BAZ1B: variants seen among roughly 807,000 people sequenced by gnomAD.
The protein encoded by BAZ1B is bromodomain adjacent to zinc finger domain 1B.
In BAZ1B, 22 loss-of-function variants were observed where a neutral mutation model predicts 153.8. The ratio of observed to expected loss-of-function variants is 0.14; its 90% CI spans 0.10 to 0.20. The LOEUF (loss-of-function observed/expected upper bound fraction) is 0.20, where lower values mean the gene tolerates loss of function less well. Ranked by LOEUF, BAZ1B falls within the 10% of genes least tolerant of loss-of-function variation. The pLI is 1.00. For missense variants in BAZ1B, 1,325 were observed against 1,799.3 expected, an observed-to-expected ratio of 0.74 and a Z score of 4.77; for synonymous variants, 676 against 633.4, an observed-to-expected ratio of 1.07 and a Z score of -1.01.
Position 73,492,860 on chromosome 7 carries a change from T to C in BAZ1B, c.633A>G (p.Lys211=), listed in dbSNP as rs782221835. 1.9e-6 allele frequency: 3 copies of C among 1,611,116 alleles called. No homozygotes were observed. Among genetic ancestry groups the C allele is most frequent in the Middle Eastern group, 1.8e-4 (1 of 5,504 alleles). Residue 211 remains lysine (K), a synonymous_variant, in exon 5 of 20, where the codon AAA becomes AAG. Coordinates refer to ENST00000339594, the MANE Select transcript of BAZ1B (RefSeq NM_032408.4). ...LPTSLKKGER[K]WAPPKFLPHK... ...GAGGCAGAAATTTTGGAGGAGCCCA[T>C]TTCCTTTCTCCTTTTTTTAATGAAG...
chr7:73,521,185 G>T (rs932705063), intron 1 of BAZ1B, among the ~76,000 whole-genome samples: 1 of 152,058 alleles, frequency 6.6e-6, no homozygotes. Context: ...GGGAAGGCAG[G>T]CATCAGCTCC....
In BAZ1B at chr7:73,477,002, C is replaced by T. The variant is rs1388866673; in HGVS notation, c.2459G>A (p.Arg820Lys). ...CTCAAACTTCACAATTTCTTTTTTC[C>T]TATCAGTTTTGCCTAACCCATTCTC... ...KVENGLGKTD[R>K]KKEIVKFEPQ... Residue 820 changes from arginine (R) to lysine (K), a missense_variant, in exon 7 of 20, where the codon AGG (arginine) becomes AAG (lysine). This residue lies in a region of BAZ1B where 431 missense variants were observed against 563.5 expected (regional missense o/e 0.76). Transcript: ENST00000339594. The surrounding 1 kb of genome is among the most constrained non-coding windows in gnomAD (Gnocchi z 5.6). 3 of 1,614,012 alleles carry T rather than the reference C, an allele frequency of 1.9e-6. No homozygotes were observed. The highest frequency in any genetic ancestry group is 2.5e-6 in the Non-Finnish European group (3 of 1,180,030).
intron 5 of BAZ1B, among the ~76,000 whole-genome samples, chr7:73,489,607 G>T (rs1465636242): frequency 6.6e-6 from 1 of 152,160 alleles, no homozygotes; most frequent in African/African-American, 2.4e-5. Context: ...TTGAGGCCAG[G>T]AGTTACAGAT....
chr7:73,445,381 C>G (rs1386463043), intron 16 of BAZ1B, among the ~76,000 whole-genome samples: 1 of 152,154 alleles, frequency 6.6e-6, no homozygotes, highest in Non-Finnish European at 1.5e-5. Flanking sequence ...CACTGGGGAA[C>G]CACATCTTTG....
intron 16 of BAZ1B, among the ~76,000 whole-genome samples, chr7:73,446,040 T>G (rs1431645769): frequency 6.6e-6 from 1 of 152,062 alleles, no homozygotes; most frequent in Non-Finnish European, 1.5e-5. Context: ...ATGTGAGAGC[T>G]TAAGGTGTCC....
chr7:73,465,262 A>G (rs1408953197), intron 11 of BAZ1B, among the ~76,000 whole-genome samples, 177 bp downstream of exon 11: 2 of 152,148 alleles, frequency 1.3e-5, no homozygotes, highest in East Asian at 1.9e-4. Flanking sequence ...CCAAAGGTAT[A>G]TTTTTCCAAT....
intron 10 of BAZ1B, among the ~76,000 whole-genome samples, chr7:73,465,796 T>C (rs1788561314): frequency 1.3e-5 from 2 of 152,164 alleles, no homozygotes; most frequent in Non-Finnish European, 2.9e-5. Context: ...TTGGCATACT[T>C]GTCCCTTTCC....
Position 73,478,353 on chromosome 7 carries a change from T to A in BAZ1B, c.1108A>T (p.Met370Leu), listed in dbSNP as rs1789072803. The change falls in exon 7 of 20, where the codon ATG becomes TTG. Residue 370 changes from methionine to leucine, a missense_variant. Coordinates refer to ENST00000339594, the MANE Select transcript of BAZ1B (RefSeq NM_032408.4). ...AGCTTATTGGGCGACATCATCTTCA[T>A]CATTTCTTCTAGATGTTCTTCAGGA... is the stretch of plus-strand genomic sequence containing the variant. Reference protein sequence around the residue: ...KSPEEHLEEMMKMMSPNKLHT... With the variant: ...KSPEEHLEEMLKMMSPNKLHT... 1 of 1,612,426 alleles carries A rather than the reference T, an allele frequency of 6.2e-7. No individual in the cohort carries two copies. The highest frequency in any genetic ancestry group is 1.3e-5 in the African/African-American group (1 of 74,752).
chr7:73,511,500 CAAAAAATAAAAAT>C lies in BAZ1B; in HGVS notation c.108-661_108-649del, dbSNP rs370491686. On this transcript the variant is annotated intron_variant, in intron 1 of 19. Transcript: ENST00000339594. ...GCAACATGATGAGACCTCATCTCTA[CAAAAAATAAAAAT>C]AAAAAATAATAAAAATGGTTTTTCG... is the stretch of plus-strand genomic sequence containing the variant. Among the ~76,000 whole-genome samples the C allele has an allele frequency of 2.8e-3, 428 of 151,004 alleles. 2 individuals carry two copies. Among genetic ancestry groups the C allele is most frequent in the African/African-American group, 0.01 (418 of 41,086 alleles).
chr7:73,521,504 C>T (rs1791040418), intron 1 of BAZ1B, among the ~76,000 whole-genome samples: 1 of 152,302 alleles, frequency 6.6e-6, no homozygotes, highest in African/African-American at 2.4e-5. Flanking sequence ...CTCTCGGGTC[C>T]TCAAGGCCTA....
chr7:73,500,655 C>G (rs1790089431), intron 3 of BAZ1B, among the ~76,000 whole-genome samples: 1 of 152,012 alleles, frequency 6.6e-6, no homozygotes, highest in South Asian at 2.1e-4. Context: ...CTTTGGGAGG[C>G]TGAAGTGGGT....
chr7:73,468,192 T>C (rs1239565416), intron 9 of BAZ1B, among the ~76,000 whole-genome samples: 1 of 152,200 alleles, frequency 6.6e-6, no homozygotes, highest in Non-Finnish European at 1.5e-5. Context: ...CAATTTTCAT[T>C]AGGTTACAGA....
chr7:73,508,483 T>C lies in BAZ1B; in HGVS notation c.225-12A>G. The C allele has an allele frequency of 6.3e-7, 1 of 1,595,726 alleles. No individual in the cohort carries two copies. The highest frequency in any genetic ancestry group is 8.5e-7 in the Non-Finnish European group (1 of 1,171,438). On this transcript the variant is annotated splice_polypyrimidine_tract_variant and intron_variant, in intron 2 of 19. Coordinates refer to ENST00000339594, the MANE Select transcript of BAZ1B (RefSeq NM_032408.4). ...ACTCCTCCTTCAAACTAAATAAATG[T>C]AATTAGTTATCAAGAAAACACAGAA...
chr7:73,465,087 G>A lies in BAZ1B; in HGVS notation c.3071+352C>T, dbSNP rs142242339. 5.9e-5 allele frequency among the ~76,000 whole-genome samples: 9 copies of A among 152,140 alleles called. No individual in the cohort carries two copies. The East Asian group carries it at 1.5e-3, about 26-fold the overall frequency. On this transcript the variant is annotated intron_variant, in intron 11 of 19. Transcript: ENST00000339594. ...GTTCCATCAGTTGATAGTCATTGCC[G>A]TTGTTTCCACCTTTTGGCTCTTCTG...
rs567760102 is a variant in BAZ1B at position 73,446,631 on chromosome 7, A to G, written c.3844+633T>C. Among the ~76,000 whole-genome samples, 5 of 152,182 alleles carry G rather than the reference A, an allele frequency of 3.3e-5. No homozygotes were observed. In the South Asian group the frequency reaches 1.0e-3, roughly 32 times the overall value. On this transcript the variant is annotated intron_variant, in intron 16 of 19. Coordinates refer to ENST00000339594, the MANE Select transcript of BAZ1B (RefSeq NM_032408.4). ...GGCTAGACTGGAGGACATTAGCCAC[A>G]AACACCAGACTCTCCAACACTCATG...
chr7:73,445,678 C>T (rs562889579), intron 16 of BAZ1B, among the ~76,000 whole-genome samples: 253 of 152,142 alleles, frequency 1.7e-3, no homozygotes, highest in African/African-American at 6.0e-3. Flanking sequence ...CAAGACCAGC[C>T]TGGGAAACAT....
Position 73,485,625 on chromosome 7 carries a change from G to GA in BAZ1B, c.891+3568dup, listed in dbSNP as rs71517389. 9.2e-3 allele frequency among the ~76,000 whole-genome samples: 701 copies of GA among 76,204 alleles called. 5 individuals are homozygous for GA. The highest frequency in any genetic ancestry group is 0.02 in the African/African-American group (473 of 24,020). The allele number at this position is 76,204 out of a possible 152,430, so 50.0% of individuals were successfully genotyped here. ...GGGAGACAGCATAAGGCCTACCTCA[G>GA]AAAAAAAAAAAAAAAAAGAGAGAGA... On this transcript the variant is annotated intron_variant, in intron 6 of 19. Coordinates refer to ENST00000339594, the MANE Select transcript of BAZ1B (RefSeq NM_032408.4).
chr7:73,441,807 C>T (rs1787627950), intron 19 of BAZ1B, 114 bp from the exon 20 acceptor site: 1 of 239,420 alleles, frequency 4.2e-6, no homozygotes, highest in South Asian at 1.3e-4. Context: ...GCCTGATTAC[C>T]CCGATCCTGC....
chr7:73,489,005 A>C (rs1424331922), intron 6 of BAZ1B, among the ~76,000 whole-genome samples, 189 bp downstream of exon 6: 1 of 152,218 alleles, frequency 6.6e-6, no homozygotes, highest in Non-Finnish European at 1.5e-5. Context: ...GAACTGGGGA[A>C]GATATTAAAT....
Sources: gnomAD v4.1 joint callset for allele counts (sites outside exome capture counted in the v4.1 genomes callset) on GRCh38, gnomAD v4.1.1 for gene constraint, gnomAD v4.1.1 regional missense constraint, Gnocchi (gnomAD v3.1) non-coding constraint, MANE v1.5 for transcripts, NCBI Gene and HGNC (gene_info 2026-07-23, HGNC 2026-07-21) for gene names.